Variants in PRKAR2A observed in about 807,000 individuals in gnomAD.
PRKAR2A encodes the protein protein kinase cAMP-dependent type II regulatory subunit alpha, also known as cAMP-dependent protein kinase type II-alpha regulatory subunit.
PRKAR2A carries 29 observed loss-of-function variants against 51.9 expected under a neutral mutation model. The observed-to-expected ratio is 0.56, with a 90% CI of 0.42 to 0.76. The LOEUF (loss-of-function observed/expected upper bound fraction) is 0.76. Ranked by LOEUF, PRKAR2A falls within the 30% of genes least tolerant of loss-of-function variation. The pLI, the probability that PRKAR2A is intolerant of heterozygous loss-of-function variation, is 0.00. For synonymous variants in PRKAR2A, 178 were observed against 186.2 expected (o/e 0.96, Z 0.36); for missense variants, 445 against 512.1 (o/e 0.87, Z 1.26).
At chr3:48,772,817 A>T in intron 6 of PRKAR2A, 138 bp downstream of exon 6, 1 of 908,052 alleles carries the variant, frequency 1.1e-6, no homozygotes, top group Non-Finnish European at 1.5e-6. Flanking sequence ...TTTTTTTTGT[A>T]TTTTTTAGTA....
At position 48,847,804 on chromosome 3, in the gene PRKAR2A, T is replaced by C. The variant is rs1575972742; in HGVS notation, c.-208A>G. On this transcript the variant is annotated 5_prime_UTR_variant, in exon 1 of 11. Transcript: ENST00000265563. The surrounding 1 kb of genome is among the most constrained non-coding windows in gnomAD (Gnocchi z 4.4). ...GACCTGGCACCGCCGCCGCTGTCAC[T>C]GGGCAGCCGCCGCCGCCGCGGGGAC... 3 of 451,414 alleles carry C rather than the reference T, an allele frequency of 6.6e-6. No homozygotes were observed. The East Asian group carries it at 1.1e-4, about 17-fold the overall frequency. The allele number at this position is 451,414 out of a possible 1,614,324, so 28.0% of individuals were successfully genotyped here. A position where few individuals can be genotyped will look rare whatever the true frequency, so the allele number is the denominator to read the frequency against.
chr3:48,790,537 A>G lies in PRKAR2A; in HGVS notation c.435+7T>C. ...TATAATAAAAATACTTTAGAAATCA[A>G]TGTTACCTGATCAAGATTTTTGAAA... On this transcript the variant is annotated splice_region_variant and intron_variant, in intron 4 of 10. Coordinates refer to ENST00000265563, the MANE Select transcript of PRKAR2A (RefSeq NM_004157.4). 1 of 1,522,780 alleles carries G rather than the reference A, an allele frequency of 6.6e-7. No individual in the cohort carries two copies. The highest frequency in any genetic ancestry group is 1.3e-5 in the South Asian group (1 of 76,434). The allele number at this position is 1,522,780 out of a possible 1,614,324, so 94.3% of individuals were successfully genotyped here. A position where few individuals can be genotyped will look rare whatever the true frequency, so the allele number is the denominator to read the frequency against.
intron 5 of PRKAR2A, among the ~76,000 whole-genome samples, chr3:48,781,358 T>C (rs959028773): frequency 6.6e-6 from 1 of 151,396 alleles, no homozygotes; most frequent in Non-Finnish European, 1.5e-5. Flanking sequence ...TTTTTTTTTT[T>C]TGAGACTGAG....
intron 1 of PRKAR2A, among the ~76,000 whole-genome samples, chr3:48,813,277 C>T (rs767360919): frequency 4.0e-5 from 6 of 150,762 alleles, no homozygotes; most frequent in South Asian, 4.2e-4. Flanking sequence ...ATGGTATGCA[C>T]GTGTAGTCCT....
At chr3:48,759,496 C>T (rs1359569061) in intron 8 of PRKAR2A, among the ~76,000 whole-genome samples, 1 of 151,800 alleles carries the variant, frequency 6.6e-6, no homozygotes, top group Non-Finnish European at 1.5e-5. Flanking sequence ...AAGTGATTCT[C>T]CTGCCTCAGC....
intron 6 of PRKAR2A, among the ~76,000 whole-genome samples, chr3:48,771,116 C>T (rs1231655924): frequency 1.3e-5 from 2 of 152,084 alleles, no homozygotes; most frequent in African/African-American, 4.8e-5. Context: ...CGTCTGTAAT[C>T]CCAGCTACTC....
At chr3:48,820,366 CG>C (rs2082941904) in intron 1 of PRKAR2A, among the ~76,000 whole-genome samples, 1 of 152,096 alleles carries the variant, frequency 6.6e-6, no homozygotes, top group African/African-American at 2.4e-5. Flanking sequence ...TGAATGGTAA[CG>C]GGAATGGAGA....
intron 1 of PRKAR2A, among the ~76,000 whole-genome samples, chr3:48,835,223 G>A (rs937919501): frequency 3.3e-5 from 5 of 151,728 alleles, no homozygotes; most frequent in South Asian, 2.1e-4. Context: ...TGCCTGCCTC[G>A]GCCGCCCGAA....
chr3:48,797,616 T>C (rs908528320), intron 2 of PRKAR2A, among the ~76,000 whole-genome samples: 9 of 152,200 alleles, frequency 5.9e-5, no homozygotes, highest in Admixed American at 3.9e-4. Flanking sequence ...GTGTGGCCCA[T>C]GCCACTTGTG....
At chr3:48,827,475 A>G (rs1198446867) in intron 1 of PRKAR2A, among the ~76,000 whole-genome samples, 1 of 152,220 alleles carries the variant, frequency 6.6e-6, no homozygotes, top group Non-Finnish European at 1.5e-5. Context: ...GTATCACTTC[A>G]TTCTGAGAAA....
In PRKAR2A at chr3:48,847,145, G is replaced by A. The variant is rs1019914897; in HGVS notation, c.262+190C>T. Among the ~76,000 whole-genome samples the A allele has an allele frequency of 2.0e-5, 3 of 152,196 alleles. No homozygotes were observed. The highest frequency in any genetic ancestry group is 7.2e-5 in the African/African-American group (3 of 41,460). ...GCGCTCTAGGGCTCGCAGGATCGCG[G>A]AGCTCAATTTGGAAGTGGCGCACGC... On this transcript the variant is annotated intron_variant, in intron 1 of 10. Transcript: ENST00000265563. The surrounding 1 kb of genome is among the most constrained non-coding windows in gnomAD (Gnocchi z 4.4).
At chr3:48,817,608 T>C (rs1478306393) in intron 1 of PRKAR2A, among the ~76,000 whole-genome samples, 2 of 150,702 alleles carry the variant, frequency 1.3e-5, no homozygotes, top group Non-Finnish European at 3.0e-5. Context: ...GGTCGCACCA[T>C]TGCGCTCCAG....
At chr3:48,769,378 C>CA (rs1230884504) in intron 6 of PRKAR2A, among the ~76,000 whole-genome samples, 1 of 151,762 alleles carries the variant, frequency 6.6e-6, no homozygotes, top group Non-Finnish European at 1.5e-5. Context: ...AGGATGGTCT[C>CA]AATCTCCTGA....
At chr3:48,777,719 A>G (rs2082127524) in intron 5 of PRKAR2A, among the ~76,000 whole-genome samples, 1 of 151,804 alleles carries the variant, frequency 6.6e-6, no homozygotes, top group African/African-American at 2.4e-5. Flanking sequence ...ATTTTTTTAT[A>G]TTCTAAATTT....
chr3:48,801,742 TTTTG>T (rs541087307), intron 2 of PRKAR2A, among the ~76,000 whole-genome samples: 23 of 151,806 alleles, frequency 1.5e-4, no homozygotes, highest in African/African-American at 5.3e-4. Flanking sequence ...TTTTGTATTT[TTTTG>T]TTTGTTTGAG....
At chr3:48,772,310 G>C (rs1297927975) in intron 6 of PRKAR2A, among the ~76,000 whole-genome samples, 1 of 152,070 alleles carries the variant, frequency 6.6e-6, no homozygotes, top group Non-Finnish European at 1.5e-5. Context: ...GCAGTGGCGT[G>C]ATCTTGGCTC....
At chr3:48,791,785 C>T (rs1303871862) in intron 3 of PRKAR2A, among the ~76,000 whole-genome samples, 1 of 150,458 alleles carries the variant, frequency 6.6e-6, no homozygotes, top group African/African-American at 2.4e-5. Flanking sequence ...TGCCTGTAAT[C>T]CCAGCTACCC....
At chr3:48,812,832 T>C (rs146452009) in intron 1 of PRKAR2A, among the ~76,000 whole-genome samples, 2 of 152,346 alleles carry the variant, frequency 1.3e-5, no homozygotes, top group East Asian at 3.9e-4. Context: ...TAATTAAACT[T>C]GAAAAAATTT....
chr3:48,794,128 T>A, intron 2 of PRKAR2A, 79 bp from the exon 3 acceptor site: 1 of 1,099,438 alleles, frequency 9.1e-7, no homozygotes, highest in Non-Finnish European at 1.3e-6. Flanking sequence ...GTGAACTCAA[T>A]TTTCTTTTAT....
Sources: allele counts gnomAD v4.1 joint callset (sites outside exome capture counted in the v4.1 genomes callset), GRCh38; gene constraint gnomAD v4.1.1; non-coding constraint Gnocchi (gnomAD v3.1); transcripts MANE v1.5; gene names NCBI Gene and HGNC (gene_info 2026-07-23, HGNC 2026-07-21).